The following MYO10 variants were observed in gnomAD, a reference collection of about 807,000 sequenced individuals.
MYO10 encodes myosin X.
Under a neutral mutation model 257.3 loss-of-function variants are expected in MYO10, and 133 were observed. That is an observed-to-expected ratio of 0.52 (90% CI 0.45 to 0.60). MYO10 has a LOEUF of 0.60. Among genes scored for constraint, MYO10 ranks in the 20% least tolerant of loss-of-function variants. The probability of loss-of-function intolerance (pLI) is 0.00; values close to 1 mark genes in which losing one functional copy is unlikely to be tolerated. For synonymous variants in MYO10, 1,104 were observed against 1,028.6 expected (o/e 1.07, Z -1.40); for missense variants, 2,399 against 2,635.7 (o/e 0.91, Z 1.97).
chr5:16,799,196 T>C (rs894074074), intron 3 of MYO10, among the ~76,000 whole-genome samples: 1 of 152,190 alleles, frequency 6.6e-6, no homozygotes, highest in African/African-American at 2.4e-5. Context: ...TCACTAGCCA[T>C]AGAGCATCCT....
At chr5:16,823,452 G>GGC (rs1208711084) in intron 2 of MYO10, among the ~76,000 whole-genome samples, 1 of 17,906 alleles carries the variant, frequency 5.6e-5, no homozygotes, top group Non-Finnish European at 1.4e-4. Context: ...CTTGCGCGGG[G>GGC]GGGGGGGGAG....
intron 30 of MYO10, among the ~76,000 whole-genome samples, chr5:16,682,615 C>T (rs768426894): frequency 6.6e-6 from 1 of 152,128 alleles, no homozygotes; most frequent in Non-Finnish European, 1.5e-5. Context: ...TAGGCCCTTG[C>T]TAATATAAAT....
At chr5:16,825,967 GT>G (rs1182749567) in intron 2 of MYO10, among the ~76,000 whole-genome samples, 1 of 152,056 alleles carries the variant, frequency 6.6e-6, no homozygotes, top group African/African-American at 2.4e-5. Context: ...GGTCAACACG[GT>G]GAAACCCTGT....
At chr5:16,871,969 C>T (rs1744466958) in intron 2 of MYO10, among the ~76,000 whole-genome samples, 1 of 152,198 alleles carries the variant, frequency 6.6e-6, no homozygotes, top group Non-Finnish European at 1.5e-5. Flanking sequence ...GGTCAAGGCT[C>T]AGCGTTGTTT....
chr5:16,812,868 A>G (rs1156241481), intron 3 of MYO10, among the ~76,000 whole-genome samples: 1 of 152,186 alleles, frequency 6.6e-6, no homozygotes, highest in Non-Finnish European at 1.5e-5. Flanking sequence ...GGAGCCAAAG[A>G]GGAGGTTAGT....
intron 2 of MYO10, among the ~76,000 whole-genome samples, chr5:16,867,776 G>A (rs1744323807): frequency 6.6e-6 from 1 of 152,310 alleles, no homozygotes; most frequent in Middle Eastern, 3.4e-3. Flanking sequence ...TGACTTGAAA[G>A]TCCCATGCAA....
At position 16,863,849 on chromosome 5, in the gene MYO10, T is replaced by C. The variant is rs185315269; in HGVS notation, c.120+13760A>G. The stretch of plus-strand genomic sequence containing the variant: ...GCGGTGGCTCATGCCTGTAATCCCA[T>C]TACTTTGGGAGGCCAAGACAGGAGG... On this transcript the variant is annotated intron_variant, in intron 2 of 40. Transcript: ENST00000513610. 2.4e-3 allele frequency among the ~76,000 whole-genome samples: 360 copies of C among 152,270 alleles called. 3 individuals carry two copies. The highest frequency in any genetic ancestry group is 0.014 in the Middle Eastern group (4 of 294).
At chr5:16,899,876 T>A (rs936319901) in intron 1 of MYO10, among the ~76,000 whole-genome samples, 1 of 151,588 alleles carries the variant, frequency 6.6e-6, no homozygotes, top group East Asian at 2.0e-4. Context: ...TGGGTGCCTG[T>A]AATCCCAGCT....
intron 1 of MYO10, among the ~76,000 whole-genome samples, chr5:16,923,180 C>T (rs540272130): frequency 6.6e-6 from 1 of 151,962 alleles, no homozygotes; most frequent in African/African-American, 2.4e-5. Flanking sequence ...ATGAGAAGAA[C>T]AAAACATGGG....
chr5:16,810,361 C>T (rs1026070937), intron 3 of MYO10, among the ~76,000 whole-genome samples: 1 of 152,166 alleles, frequency 6.6e-6, no homozygotes, highest in Non-Finnish European at 1.5e-5. Context: ...CCCATCTCTA[C>T]CCTGGTCTAA....
At chr5:16,884,811 T>C (rs747606977) in intron 1 of MYO10, among the ~76,000 whole-genome samples, 9 of 152,290 alleles carry the variant, frequency 5.9e-5, no homozygotes, top group African/African-American at 1.4e-4. Context: ...CTCGGTGCTA[T>C]TGACATTGTG....
intron 19 of MYO10, among the ~76,000 whole-genome samples, chr5:16,717,230 C>T (rs556377957): frequency 1.1e-4 from 17 of 152,304 alleles, no homozygotes; most frequent in African/African-American, 3.4e-4. Flanking sequence ...AAATCAAACT[C>T]GTATGCATCA....
At chr5:16,698,623 G>GTTTTTTTTTTTTTT (rs5866202) in intron 26 of MYO10, among the ~76,000 whole-genome samples, 3 of 113,822 alleles carry the variant, frequency 2.6e-5, no homozygotes, top group East Asian at 2.5e-4. Context: ...AGAACATGCA[G>GTTTTTTTTTTTTTT]TTTTTTTTTT....
chr5:16,879,829 T>G (rs1744707445), intron 1 of MYO10, among the ~76,000 whole-genome samples: 1 of 152,182 alleles, frequency 6.6e-6, no homozygotes, highest in Non-Finnish European at 1.5e-5. Context: ...CGACACAAAA[T>G]CTGACGTAAA....
chr5:16,852,488 G>A (rs1453617155), intron 2 of MYO10, among the ~76,000 whole-genome samples: 1 of 150,388 alleles, frequency 6.6e-6, no homozygotes, highest in Non-Finnish European at 1.5e-5. Flanking sequence ...CCTTTTTTTT[G>A]CCTCTGGCTT....
intron 1 of MYO10, among the ~76,000 whole-genome samples, chr5:16,935,544 C>T (rs1303198254): frequency 6.6e-6 from 1 of 152,116 alleles, no homozygotes; most frequent in Admixed American, 6.5e-5. Flanking sequence ...CAGCCACCCA[C>T]GCAAACGGAA....
Position 16,701,792 on chromosome 5 carries a change from CTCT to C in MYO10, c.2600_2602del (p.Lys867del). On this transcript the variant is annotated inframe_deletion, in exon 25 of 41. Transcript: ENST00000513610. This position sits in a 1 kb window ranked among gnomAD's most constrained non-coding sequence, Gnocchi z 8.1. ...ACGGGTCAGTTCAGCTTCCTTCTGGCTCTTCTGCAAGGCTTCGAGTTCTTGCTG... is the reference window on the plus strand; with the variant it reads ...ACGGGTCAGTTCAGCTTCCTTCTGGCTCTGCAAGGCTTCGAGTTCTTGCTG... 6.2e-7 allele frequency: 1 copy of C among 1,612,808 alleles called. No individual in the cohort carries two copies. The highest frequency in any genetic ancestry group is 8.5e-7 in the Non-Finnish European group (1 of 1,179,598).
intron 2 of MYO10, among the ~76,000 whole-genome samples, chr5:16,848,151 A>ATTTCTTTTTTTTTTTT (rs1554002443): frequency 0.021 from 1,894 of 91,440 alleles, 125 homozygotes; most frequent in African/African-American, 0.11. Context: ...AGAACTACAC[A>ATTTCTTTTTTTTTTTT]TTTCTTTTTT....
chr5:16,684,295 C>T (rs1035323346), intron 29 of MYO10, among the ~76,000 whole-genome samples: 1 of 152,120 alleles, frequency 6.6e-6, no homozygotes, highest in Admixed American at 6.5e-5. Context: ...GCCCAGGCTG[C>T]GCAATGGTGT....
Sources: allele counts gnomAD v4.1 joint callset (sites outside exome capture counted in the v4.1 genomes callset), GRCh38; gene constraint gnomAD v4.1.1; non-coding constraint Gnocchi (gnomAD v3.1); transcripts MANE v1.5; gene names NCBI Gene and HGNC (gene_info 2026-07-23, HGNC 2026-07-21).